Variants in TRIP11 observed in about 807,000 individuals in gnomAD.
The protein encoded by TRIP11 is thyroid receptor-interacting protein 11.
In TRIP11, 148 loss-of-function variants were observed where a neutral mutation model predicts 223.1. That is an observed-to-expected ratio of 0.66 (90% CI 0.58 to 0.76). TRIP11 has a LOEUF of 0.76. Ranked by LOEUF, TRIP11 falls within the 30% of genes least tolerant of loss-of-function variation. The pLI, the probability that TRIP11 is intolerant of heterozygous loss-of-function variation, is 0.00. For synonymous variants in TRIP11, 762 were observed against 772.6 expected, an observed-to-expected ratio of 0.99 and a Z score of 0.23; for missense variants, 2,043 against 2,222.0, an observed-to-expected ratio of 0.92 and a Z score of 1.62.
intron 1 of TRIP11, among the ~76,000 whole-genome samples, chr14:92,036,450 G>A (rs182640998): frequency 6.6e-5 from 10 of 152,252 alleles, no homozygotes; most frequent in African/African-American, 2.4e-4. Context: ...TAAGGAAACT[G>A]TGCTTTTGGA....
chr14:91,973,299 C>T (rs549879270), intron 19 of TRIP11, among the ~76,000 whole-genome samples: 5 of 152,260 alleles, frequency 3.3e-5, no homozygotes, highest in East Asian at 3.9e-4. Flanking sequence ...GCGGGGATTA[C>T]AGGCGTGAGC....
At position 92,014,248 on chromosome 14, in the gene TRIP11, C is replaced by T. The variant is rs2057008669; in HGVS notation, c.1153G>A (p.Glu385Lys). Residue 385 changes from glutamate (E) to lysine (K), a missense_variant, in exon 7 of 21, where the codon GAA becomes AAA. Physicochemically the swap from Glu to Lys is moderately conservative, Grantham distance 56. Transcript: ENST00000267622. Reference protein sequence around the residue: ...ERILAQSASVEEVFRLQQALS... With the variant: ...ERILAQSASVKEVFRLQQALS... ...GCTTGTTGTAGTCTGAACACTTCTTCCACTGATGCACTCTGGGCAAGAATT... is the reference window on the plus strand; with the variant it reads ...GCTTGTTGTAGTCTGAACACTTCTTTCACTGATGCACTCTGGGCAAGAATT... 6.2e-7 allele frequency: 1 copy of T among 1,614,078 alleles called. No individual in the cohort carries two copies.
chr14:91,974,180 T>C (rs147133935), intron 19 of TRIP11, among the ~76,000 whole-genome samples: 1 of 152,334 alleles, frequency 6.6e-6, no homozygotes, highest in Non-Finnish European at 1.5e-5. Context: ...AGAATCTAAG[T>C]TTTATGAGGG....
rs764738566 is a variant in TRIP11, at chr14:92,025,305, T to G, written c.312+5A>C. The G allele has an allele frequency of 1.9e-6, 3 of 1,599,108 alleles. No homozygotes were observed. Among genetic ancestry groups the G allele is most frequent in the Non-Finnish European group, 2.6e-6 (3 of 1,166,906 alleles). ...TACATATGAAGTAACTGTGATAACATTTACCTCTTTTTGTTGAAGTTGATT... is the reference window on the plus strand; with the variant it reads ...TACATATGAAGTAACTGTGATAACAGTTACCTCTTTTTGTTGAAGTTGATT... On this transcript the variant is annotated splice_donor_5th_base_variant and intron_variant, in intron 3 of 20. Coordinates refer to ENST00000267622, the MANE Select transcript of TRIP11 (RefSeq NM_004239.4).
chr14:92,039,891 T>C lies in TRIP11; in HGVS notation c.-206A>G, dbSNP rs1054227333. ...TGGAATTTTACCAGGGGCCCGCCTC[T>C]AGTGACACAGTCACCTACGGAGGGC... On this transcript the variant is annotated 5_prime_UTR_variant, in exon 1 of 21. Transcript: ENST00000267622. 2.0e-6 allele frequency: 2 copies of C among 978,770 alleles called. No homozygotes were observed. The highest frequency in any genetic ancestry group is 3.3e-4 in the Middle Eastern group (1 of 3,028). The allele number at this position is 978,770 out of a possible 1,614,324, so 60.6% of individuals were successfully genotyped here. A position where few individuals can be genotyped will look rare whatever the true frequency, so the allele number is the denominator to read the frequency against.
At chr14:92,002,191 C>A (rs944114363) in intron 11 of TRIP11, among the ~76,000 whole-genome samples, 1 of 152,092 alleles carries the variant, frequency 6.6e-6, no homozygotes, top group East Asian at 1.9e-4. Context: ...CTACACTATA[C>A]TATCATATAG....
At position 92,006,256 on chromosome 14, in the gene TRIP11, A is replaced by G. The variant is rs750231393; in HGVS notation, c.1720T>C (p.Leu574=). ...TCAAGTTTCTGCTTGGTTAAATGTA[A>G]ATCATTTAGGGCCACTTCACTTTGA... ...LIQSEVALND[L]HLTKQKLEDK... Residue 574 remains leucine (L), a synonymous_variant, in exon 11 of 21, where the codon TTA becomes CTA. Coordinates refer to ENST00000267622, the MANE Select transcript of TRIP11 (RefSeq NM_004239.4). The G allele has an allele frequency of 6.2e-7, 1 of 1,612,566 alleles. No individual in the cohort carries two copies. The highest frequency in any genetic ancestry group is 8.5e-7 in the Non-Finnish European group (1 of 1,179,542).
At chr14:92,018,551 T>C (rs762566025) in intron 4 of TRIP11, among the ~76,000 whole-genome samples, 17 of 152,188 alleles carry the variant, frequency 1.1e-4, no homozygotes, top group Non-Finnish European at 2.1e-4. Flanking sequence ...CAAAAGCTAC[T>C]CTAGGACTGA....
chr14:92,028,254 T>C (rs1269460923), intron 2 of TRIP11, among the ~76,000 whole-genome samples: 5 of 152,164 alleles, frequency 3.3e-5, no homozygotes, highest in African/African-American at 9.7e-5. Context: ...CATAGCCATA[T>C]GAGAGTCAGA....
In TRIP11 at chr14:91,969,701, A is replaced by G; in HGVS notation, c.5912T>C (p.Val1971Ala). Reference sequence around the variant, plus strand: ...TTGCTTTAAAAGGTCTTTCAGCACAACCCCAGCACTGTTGTCAGGTAACGC... The same window carrying G: ...TTGCTTTAAAAGGTCTTTCAGCACAGCCCCAGCACTGTTGTCAGGTAACGC... ...LPALPDNSAGVVLKDLLKQ is the reference protein window; with the variant it reads ...LPALPDNSAGAVLKDLLKQ Residue 1971 changes from valine (V) to alanine (A), a missense_variant, in exon 21 of 21, where the codon GTT becomes GCT. Coordinates refer to ENST00000267622, the MANE Select transcript of TRIP11 (RefSeq NM_004239.4). 6.2e-7 allele frequency: 1 copy of G among 1,612,712 alleles called. No individual in the cohort carries two copies. The highest frequency in any genetic ancestry group is 8.5e-7 in the Non-Finnish European group (1 of 1,180,026).
intron 4 of TRIP11, among the ~76,000 whole-genome samples, chr14:92,018,968 AAAAAAAAAAAC>A (rs2057074308): frequency 6.6e-6 from 1 of 150,932 alleles, no homozygotes; most frequent in African/African-American, 2.4e-5. Context: ...CTCAAAAAAA[AAAAAAAAAAAC>A]AAAAAAAAAA....
At chr14:92,027,330 A>G (rs758719734) in intron 2 of TRIP11, among the ~76,000 whole-genome samples, 10 of 152,024 alleles carry the variant, frequency 6.6e-5, no homozygotes, top group Non-Finnish European at 1.3e-4. Flanking sequence ...CAAAAACGAC[A>G]ACAGAAAAAC....
intron 19 of TRIP11, among the ~76,000 whole-genome samples, chr14:91,973,066 C>T (rs2056419871): frequency 6.7e-6 from 1 of 148,848 alleles, no homozygotes; most frequent in South Asian, 2.1e-4. Context: ...TGCTCTGTCG[C>T]CCAGGCTGGA....
At chr14:91,985,040 G>T (rs1303930430) in intron 16 of TRIP11, among the ~76,000 whole-genome samples, 8 of 152,202 alleles carry the variant, frequency 5.3e-5, no homozygotes, top group Non-Finnish European at 8.8e-5. Context: ...GAGGGATAGA[G>T]GGGGAGGGAG....
intron 4 of TRIP11, among the ~76,000 whole-genome samples, chr14:92,019,931 G>C (rs981655861): frequency 1.1e-4 from 17 of 152,108 alleles, no homozygotes; most frequent in Non-Finnish European, 2.2e-4. Context: ...GTTTAGACCT[G>C]GGTCCCATCC....
intron 16 of TRIP11, among the ~76,000 whole-genome samples, chr14:91,985,178 T>C (rs1479182617): frequency 6.6e-6 from 1 of 152,150 alleles, no homozygotes; most frequent in African/African-American, 2.4e-5. Context: ...TGTCTTATGA[T>C]CACTGTTGTG....
At position 92,011,033 on chromosome 14, in the gene TRIP11, G is replaced by A. The variant is rs756230567; in HGVS notation, c.1267C>T (p.Arg423Cys). 77 of 1,613,538 alleles carry A rather than the reference G, an allele frequency of 4.8e-5. No homozygotes were observed. Among genetic ancestry groups the A allele is most frequent in the African/African-American group, 2.1e-4 (16 of 74,756 alleles). Residue 423 changes from arginine to cysteine, a missense_variant, in exon 9 of 21, where the codon CGT becomes TGT. Physicochemically the swap from Arg to Cys is radical, Grantham distance 180. Transcript: ENST00000267622. Reference sequence around the variant, plus strand: ...TTCTCTTTTTCTAAAACTTCGATACGCATTTTAAGTTTCAGATTGTCTTCA... The same window carrying A: ...TTCTCTTTTTCTAAAACTTCGATACACATTTTAAGTTTCAGATTGTCTTCA... ...LAEDNLKLKMRIEVLEKEKSL... is the reference protein window; with the variant it reads ...LAEDNLKLKMCIEVLEKEKSL...
In TRIP11 at chr14:92,036,031, C is replaced by T. The variant is rs1036939017; in HGVS notation, c.140-2778G>A. Among the ~76,000 whole-genome samples, 4 of 152,322 alleles carry T rather than the reference C, an allele frequency of 2.6e-5. No individual in the cohort carries two copies. In the East Asian group the frequency reaches 5.8e-4, roughly 22 times the overall value. On this transcript the variant is annotated intron_variant, in intron 1 of 20. Coordinates refer to ENST00000267622, the MANE Select transcript of TRIP11 (RefSeq NM_004239.4). Reference sequence around the variant, plus strand: ...AAGAAGCATGCAGTAATTACAGTGACAAACACTCTTGTTTAGAAAATCACC... The same window carrying T: ...AAGAAGCATGCAGTAATTACAGTGATAAACACTCTTGTTTAGAAAATCACC...
intron 16 of TRIP11, 101 bp downstream of exon 16, chr14:91,988,183 T>C: frequency 1.2e-6 from 1 of 832,228 alleles, no homozygotes; most frequent in Admixed American, 2.2e-5. Flanking sequence ...CACACATCAA[T>C]GAAGTTGGTC....
Sources: allele counts gnomAD v4.1 joint callset (sites outside exome capture counted in the v4.1 genomes callset), GRCh38; gene constraint gnomAD v4.1.1; transcripts MANE v1.5; gene names NCBI Gene and HGNC (gene_info 2026-07-23, HGNC 2026-07-21).